Variants in CCSER1 observed in about 807,000 individuals in gnomAD.
CCSER1 encodes serine-rich coiled-coil domain-containing protein 1.
Under a neutral mutation model 82.0 loss-of-function variants are expected in CCSER1, and 41 were observed. That is an observed-to-expected ratio of 0.50 (90% confidence interval 0.39 to 0.65). The LOEUF (loss-of-function observed/expected upper bound fraction) is 0.65. Among genes scored for constraint, CCSER1 ranks in the 30% least tolerant of loss-of-function variants. The pLI is 0.00. For missense variants in CCSER1, 1,119 were observed against 1,064.2 expected, an observed-to-expected ratio of 1.05 and a Z score of -0.72; for synonymous variants, 414 against 383.9, an observed-to-expected ratio of 1.08 and a Z score of -0.92.
At chr4:90,233,940 A>T (rs1426664741) in intron 1 of CCSER1, among the ~76,000 whole-genome samples, 1 of 152,178 alleles carries the variant, frequency 6.6e-6, no homozygotes, top group African/African-American at 2.4e-5. Flanking sequence ...TTTCTATTAA[A>T]ATGTGCTGAA....
intron 10 of CCSER1, among the ~76,000 whole-genome samples, chr4:91,245,877 G>T (rs1307451677): frequency 1.3e-5 from 2 of 152,116 alleles, no homozygotes; most frequent in Non-Finnish European, 2.9e-5. Flanking sequence ...TGTATTTTTA[G>T]TAGAGATGGG....
chr4:90,353,647 C>T (rs1342672336), intron 3 of CCSER1, among the ~76,000 whole-genome samples: 1 of 152,148 alleles, frequency 6.6e-6, no homozygotes, highest in Non-Finnish European at 1.5e-5. Flanking sequence ...TTTCCTGACT[C>T]CAAGCTAGCA....
intron 10 of CCSER1, among the ~76,000 whole-genome samples, chr4:91,418,148 CAACTT>C (rs374110294): frequency 2.0e-5 from 3 of 151,772 alleles, no homozygotes; most frequent in African/African-American, 7.2e-5. Flanking sequence ...ACTGGATAAA[CAACTT>C]AAATTCACAC....
At chr4:90,447,901 C>T (rs1211280542) in intron 4 of CCSER1, among the ~76,000 whole-genome samples, 1 of 151,920 alleles carries the variant, frequency 6.6e-6, no homozygotes, top group African/African-American at 2.4e-5. Context: ...TAAATAATTG[C>T]TTTTAAAATA....
intron 5 of CCSER1, among the ~76,000 whole-genome samples, chr4:90,555,883 T>C (rs1320022123): frequency 6.6e-6 from 1 of 152,092 alleles, no homozygotes; most frequent in Non-Finnish European, 1.5e-5. Context: ...TAACACAGCA[T>C]TTTACTAGAC....
At chr4:91,467,567 C>A (rs191608604) in intron 10 of CCSER1, among the ~76,000 whole-genome samples, 1 of 152,090 alleles carries the variant, frequency 6.6e-6, no homozygotes, top group Non-Finnish European at 1.5e-5. Flanking sequence ...AACAGGCAAC[C>A]TACAGAATGG....
chr4:90,899,056 T>C, intron 8 of CCSER1, among the ~76,000 whole-genome samples: 1 of 152,122 alleles, frequency 6.6e-6, no homozygotes, highest in East Asian at 1.9e-4. Context: ...TTTAACAACA[T>C]TGGTTTGTTC....
At chr4:91,241,088 CACTG>C (rs1323092523) in intron 10 of CCSER1, among the ~76,000 whole-genome samples, 1 of 20,824 alleles carries the variant, frequency 4.8e-5, no homozygotes, top group Non-Finnish European at 8.2e-5. Flanking sequence ...CTGTGCATGT[CACTG>C]ACTAAAATAA....
rs559450387 is a variant in CCSER1, at chr4:91,112,338, TTGAC to T, written c.2217+26347_2217+26350del. ...CTCATACCTTAAGTGATTATAAAGT[TTGAC>T]TGTGTTCTGACGGTTCTTAAGTTTT... is the stretch of plus-strand genomic sequence containing the variant. On this transcript the variant is annotated intron_variant, in intron 10 of 10. Transcript: ENST00000509176. 3.3e-4 allele frequency among the ~76,000 whole-genome samples: 51 copies of T among 152,246 alleles called. 2 individuals carry two copies. The South Asian group carries it at 0.01, about 30-fold the overall frequency.
chr4:91,166,186 C>T (rs547980127), intron 10 of CCSER1, among the ~76,000 whole-genome samples: 2 of 152,080 alleles, frequency 1.3e-5, no homozygotes, highest in Non-Finnish European at 2.9e-5. Flanking sequence ...TTGGTTGTAT[C>T]TAATTGATAA....
intron 1 of CCSER1, among the ~76,000 whole-genome samples, chr4:90,163,260 AGT>A (rs1729800858): frequency 6.6e-6 from 1 of 152,096 alleles, no homozygotes; most frequent in African/African-American, 2.4e-5. Context: ...TAATGTAATA[AGT>A]GGGGATAATA....
intron 5 of CCSER1, among the ~76,000 whole-genome samples, chr4:90,477,782 T>C (rs1197858183): frequency 6.6e-6 from 1 of 152,092 alleles, no homozygotes; most frequent in African/African-American, 2.4e-5. Context: ...ACTTTTGAGG[T>C]AAAACACATT....
At chr4:90,311,976 T>C (rs1284678507) in intron 2 of CCSER1, among the ~76,000 whole-genome samples, 1 of 152,182 alleles carries the variant, frequency 6.6e-6, no homozygotes, top group Non-Finnish European at 1.5e-5. Context: ...TAACATGCTA[T>C]ATATATCAGA....
At chr4:90,781,997 A>G in intron 7 of CCSER1, 1 of 865,946 alleles carries the variant, frequency 1.2e-6, no homozygotes, top group Non-Finnish European at 1.4e-6. Flanking sequence ...GAACATTTCT[A>G]TTATAAAGTA....
At chr4:90,861,581 G>A (rs1765090603) in intron 8 of CCSER1, among the ~76,000 whole-genome samples, 1 of 151,602 alleles carries the variant, frequency 6.6e-6, no homozygotes, top group African/African-American at 2.4e-5. Context: ...TGCTTTTAAC[G>A]AATTAGTAAC....
At chr4:90,587,867 G>T (rs967487446) in intron 5 of CCSER1, among the ~76,000 whole-genome samples, 1 of 152,180 alleles carries the variant, frequency 6.6e-6, no homozygotes, top group African/African-American at 2.4e-5. Flanking sequence ...ATATGTTAAA[G>T]ATATTGCAGG....
chr4:90,787,855 G>T (rs1407466857), intron 7 of CCSER1, among the ~76,000 whole-genome samples: 1 of 152,118 alleles, frequency 6.6e-6, no homozygotes, highest in Non-Finnish European at 1.5e-5. Context: ...TCCTAAATGT[G>T]GTTGGTGGCT....
chr4:90,682,785 A>G (rs1734133037), intron 6 of CCSER1, among the ~76,000 whole-genome samples: 2 of 152,128 alleles, frequency 1.3e-5, no homozygotes, highest in Non-Finnish European at 2.9e-5. Context: ...TGGTGAATAC[A>G]TGGGTGTTAC....
intron 6 of CCSER1, among the ~76,000 whole-genome samples, chr4:90,628,507 A>T (rs954380092): frequency 6.6e-6 from 1 of 152,220 alleles, no homozygotes; most frequent in African/African-American, 2.4e-5. Flanking sequence ...GTAAGGAGAA[A>T]TGAGTATCAG....
Sources: allele counts gnomAD v4.1 joint callset (sites outside exome capture counted in the v4.1 genomes callset), GRCh38; gene constraint gnomAD v4.1.1; transcripts MANE v1.5; gene names NCBI Gene and HGNC (gene_info 2026-07-23, HGNC 2026-07-21).